The following ANKS1B variants were observed in gnomAD, a reference collection of about 807,000 sequenced individuals.
ANKS1B encodes ankyrin repeat and sterile alpha motif domain containing 1B, also known as ankyrin repeat and sterile alpha motif domain-containing protein 1B.
ANKS1B carries 36 observed loss-of-function variants against 148.3 expected under a neutral mutation model. That is an observed-to-expected ratio of 0.24 (90% CI 0.19 to 0.32). The LOEUF is 0.32. Among genes scored for constraint, ANKS1B ranks in the 10% least tolerant of loss-of-function variants. The pLI, the probability that ANKS1B is intolerant of heterozygous loss-of-function variation, is 1.00. For missense variants in ANKS1B, 1,157 were observed against 1,542.6 expected (o/e 0.75, Z 4.19); for synonymous variants, 542 against 560.8 (o/e 0.97, Z 0.47).
At chr12:98,971,110 G>A (rs1417959765) in intron 17 of ANKS1B, among the ~76,000 whole-genome samples, 1 of 152,172 alleles carries the variant, frequency 6.6e-6, no homozygotes, top group Non-Finnish European at 1.5e-5. Context: ...CTTGCTGGCT[G>A]GGTGACCTTG....
chr12:99,494,341 G>A (rs1319161302), intron 10 of ANKS1B, among the ~76,000 whole-genome samples: 2 of 152,152 alleles, frequency 1.3e-5, no homozygotes, highest in Non-Finnish European at 1.5e-5. Context: ...TAGCTGAGTC[G>A]TCAGGTGGGA....
chr12:99,465,497 C>A (rs2096085795), intron 10 of ANKS1B, among the ~76,000 whole-genome samples: 1 of 151,978 alleles, frequency 6.6e-6, no homozygotes, highest in African/African-American at 2.4e-5. Flanking sequence ...CACAGACTGG[C>A]AAATTGGATA....
chr12:98,885,940 C>T (rs1333023094), intron 17 of ANKS1B, among the ~76,000 whole-genome samples: 1 of 151,966 alleles, frequency 6.6e-6, no homozygotes, highest in East Asian at 1.9e-4. Flanking sequence ...GAAAGCTGCC[C>T]AGGCACCAGC....
intron 1 of ANKS1B, among the ~76,000 whole-genome samples, chr12:99,924,283 G>A (rs1603460424): frequency 6.6e-6 from 1 of 152,122 alleles, no homozygotes; most frequent in South Asian, 2.1e-4. Flanking sequence ...GCACTGCTTG[G>A]TGTATTACAG....
intron 17 of ANKS1B, among the ~76,000 whole-genome samples, chr12:98,943,696 T>TA (rs1392399252): frequency 6.6e-6 from 1 of 152,184 alleles, no homozygotes; most frequent in African/African-American, 2.4e-5. Context: ...TAATCCAGAA[T>TA]AAAAAATCTT....
intron 12 of ANKS1B, among the ~76,000 whole-genome samples, chr12:99,287,154 A>G (rs2079242783): frequency 6.6e-6 from 1 of 152,196 alleles, no homozygotes; most frequent in South Asian, 2.1e-4. Context: ...GATGGTGACC[A>G]TAGGGGTGCT....
At chr12:98,894,669 G>C (rs2099760124) in intron 17 of ANKS1B, 5 of 985,552 alleles carry the variant, frequency 5.1e-6, no homozygotes, top group Non-Finnish European at 6.0e-6. Context: ...GATCCGCGAG[G>C]GCTGGCGGGC....
At chr12:99,303,935 T>G (rs2082009946) in intron 12 of ANKS1B, among the ~76,000 whole-genome samples, 1 of 152,166 alleles carries the variant, frequency 6.6e-6, no homozygotes, top group Non-Finnish European at 1.5e-5. Flanking sequence ...CGACTCCATC[T>G]AGGTTGCTGA....
At chr12:99,486,358 TAAG>T (rs1236096381) in intron 10 of ANKS1B, among the ~76,000 whole-genome samples, 2 of 152,152 alleles carry the variant, frequency 1.3e-5, no homozygotes, top group Non-Finnish European at 2.9e-5. Context: ...CTGGTTATAT[TAAG>T]AACGTTCTCA....
At chr12:99,575,404 C>T (rs529438876) in intron 9 of ANKS1B, among the ~76,000 whole-genome samples, 91 of 152,082 alleles carry the variant, frequency 6.0e-4, no homozygotes, top group Non-Finnish European at 1.1e-3. Flanking sequence ...TAAACATGGA[C>T]ATGAAAAAGC....
At chr12:99,561,547 A>C (rs190427853) in intron 9 of ANKS1B, among the ~76,000 whole-genome samples, 9 of 152,046 alleles carry the variant, frequency 5.9e-5, no homozygotes, top group Admixed American at 5.2e-4. Flanking sequence ...CCTCTATATG[A>C]TTTTTATATC....
chr12:98,951,019 G>T (rs947440068), intron 17 of ANKS1B, among the ~76,000 whole-genome samples: 1 of 152,006 alleles, frequency 6.6e-6, no homozygotes, highest in Non-Finnish European at 1.5e-5. Context: ...AATGAATAGG[G>T]CCCAGGGGAT....
chr12:99,932,646 G>GT (rs772178101), intron 1 of ANKS1B, among the ~76,000 whole-genome samples: 3 of 152,006 alleles, frequency 2.0e-5, no homozygotes, highest in Non-Finnish European at 2.9e-5. Flanking sequence ...CCATAGAGTT[G>GT]TTTGAGCTCC....
intron 1 of ANKS1B, among the ~76,000 whole-genome samples, chr12:99,835,101 A>G (rs2084622429): frequency 6.6e-6 from 1 of 152,042 alleles, no homozygotes; most frequent in Non-Finnish European, 1.5e-5. Flanking sequence ...GGTCTATATC[A>G]GCACTGTCCT....
chr12:99,537,985 T>C (rs1254713660), intron 9 of ANKS1B, among the ~76,000 whole-genome samples: 1 of 152,146 alleles, frequency 6.6e-6, no homozygotes. Context: ...AGATATCCAG[T>C]TTTCCCAGTA....
intron 15 of ANKS1B, among the ~76,000 whole-genome samples, chr12:99,095,282 G>A (rs2055590610): frequency 6.6e-6 from 1 of 152,122 alleles, no homozygotes; most frequent in Non-Finnish European, 1.5e-5. Context: ...TGCAGAGGCT[G>A]GATAAGCTAA....
At chr12:98,846,890 T>C (rs1175101411) in intron 17 of ANKS1B, among the ~76,000 whole-genome samples, 2 of 152,224 alleles carry the variant, frequency 1.3e-5, no homozygotes, top group African/African-American at 2.4e-5. Flanking sequence ...ACTTAGCACA[T>C]TGTGTGAAAA....
rs1567819547 is a variant in ANKS1B, at chr12:99,772,968, C to T, written c.1082G>A (p.Ser361Asn). Residue 361 changes from serine to asparagine, a missense_variant, in exon 8 of 27, where the codon AGC becomes AAC. Around this residue, in one of 6 missense-constraint regions of ANKS1B, gnomAD observed 661 missense variants for 642.1 expected, o/e 1.03. Transcript: ENST00000683438. Reference protein sequence around the residue: ...TISDHYLDNLSKISEEELGKN... With the variant: ...TISDHYLDNLNKISEEELGKN... ...CCCAAGTTCTTCCTCTGAAATCTTGCTCAAATTATCTAAGTAGTGGTCTGA... is the reference window on the plus strand; with the variant it reads ...CCCAAGTTCTTCCTCTGAAATCTTGTTCAAATTATCTAAGTAGTGGTCTGA... 2 of 1,611,774 alleles carry T rather than the reference C, an allele frequency of 1.2e-6. No homozygotes were observed.
At position 98,787,461 on chromosome 12, in the gene ANKS1B, CA is replaced by C. The variant is rs540996480; in HGVS notation, c.3343-5325del. On this transcript the variant is annotated intron_variant, in intron 22 of 26. Coordinates refer to ENST00000683438, the MANE Select transcript of ANKS1B (RefSeq NM_001352186.2). ...GATTTGTCTTCACTGTAATGACTAG[CA>C]CATGGTCTTACATTGAGCCCTATGA... Among the ~76,000 whole-genome samples the C allele has an allele frequency of 6.6e-5, 10 of 152,260 alleles. No homozygotes were observed. The South Asian group carries it at 2.1e-3, about 32-fold the overall frequency.
Sources: allele counts gnomAD v4.1 joint callset (sites outside exome capture counted in the v4.1 genomes callset), GRCh38; gene constraint gnomAD v4.1.1; regional missense constraint gnomAD v4.1.1; transcripts MANE v1.5; gene names NCBI Gene and HGNC (gene_info 2026-07-23, HGNC 2026-07-21).